CNTN3: variants seen among roughly 807,000 people sequenced by gnomAD.
The protein encoded by CNTN3 is contactin-3.
Under a neutral mutation model 119.1 loss-of-function variants are expected in CNTN3, and 60 were observed. The observed-to-expected ratio is 0.50, with a 90% CI of 0.41 to 0.62. The LOEUF is 0.62. CNTN3 is among the 20% of genes least tolerant of loss of function. CNTN3 has a pLI of 0.00. For synonymous variants in CNTN3, 450 were observed against 438.7 expected (o/e 1.03, Z -0.32); for missense variants, 1,101 against 1,242.4 (o/e 0.89, Z 1.71).
At chr3:74,299,796 A>G in intron 17 of CNTN3, 72 bp downstream of exon 17, 1 of 1,264,048 alleles carries the variant, frequency 7.9e-7, no homozygotes, top group Non-Finnish European at 1.1e-6. Context: ...CATTGGCACC[A>G]CCACCTGGGA....
At chr3:74,581,658 G>A (rs1019754625) in intron 1 of CNTN3, among the ~76,000 whole-genome samples, 1 of 152,168 alleles carries the variant, frequency 6.6e-6, no homozygotes, top group African/African-American at 2.4e-5. Flanking sequence ...GGATCTTGAA[G>A]AGCCAAAAGA....
intron 3 of CNTN3, among the ~76,000 whole-genome samples, chr3:74,498,545 T>A (rs1703105036): frequency 6.6e-6 from 1 of 151,822 alleles, no homozygotes; most frequent in Non-Finnish European, 1.5e-5. Context: ...TTGTTAAATA[T>A]TGTTGAAAGA....
intron 19 of CNTN3, among the ~76,000 whole-genome samples, chr3:74,286,748 C>T (rs1702122164): frequency 6.6e-6 from 1 of 152,150 alleles, no homozygotes; most frequent in African/African-American, 2.4e-5. Context: ...AAGGCAAATC[C>T]ACTCCAGGGG....
At position 74,361,953 on chromosome 3, in the gene CNTN3, C is replaced by G; in HGVS notation, c.1301G>C (p.Arg434Thr). The G allele has an allele frequency of 1.2e-6, 2 of 1,613,882 alleles. No homozygotes were observed. The highest frequency in any genetic ancestry group is 1.7e-6 in the Non-Finnish European group (2 of 1,179,850). The stretch of plus-strand genomic sequence containing the variant: ...GGAAGAGAGTGCCCTTGGGGAGGCT[C>G]TGGGTTTACAATCCAAGCTGACCAG... ...GSLVSLDCKPRASPRALSSWK... is the reference protein window; with the variant it reads ...GSLVSLDCKPTASPRALSSWK... Residue 434 changes from arginine to threonine, a missense_variant, in exon 11 of 23, where the codon AGA (arginine) becomes ACA (threonine). Physicochemically the swap from Arg to Thr is moderately conservative, Grantham distance 71. Coordinates refer to ENST00000263665, the MANE Select transcript of CNTN3 (RefSeq NM_020872.3).
At chr3:74,538,133 G>A (rs1703791628) in intron 1 of CNTN3, among the ~76,000 whole-genome samples, 1 of 152,064 alleles carries the variant, frequency 6.6e-6, no homozygotes, top group Non-Finnish European at 1.5e-5. Flanking sequence ...AGAAATACAG[G>A]AGGCACAATT....
At chr3:74,497,837 T>G (rs1703092587) in intron 3 of CNTN3, among the ~76,000 whole-genome samples, 1 of 151,870 alleles carries the variant, frequency 6.6e-6, no homozygotes, top group Non-Finnish European at 1.5e-5. Context: ...ACAGTGAAAC[T>G]TCTTTATCAA....
chr3:74,342,979 T>G (rs1703584229), intron 11 of CNTN3, among the ~76,000 whole-genome samples: 1 of 152,226 alleles, frequency 6.6e-6, no homozygotes, highest in African/African-American at 2.4e-5. Flanking sequence ...AATAATTCTC[T>G]GATGTCTTAT....
At chr3:74,500,835 A>G (rs6549606) in intron 2 of CNTN3, among the ~76,000 whole-genome samples, 151,736 of 152,184 alleles carry the variant, frequency 1, 75,646 homozygotes, top group Middle Eastern at 1. Context: ...TAAATTCTGC[A>G]TGCCCAAATG....
chr3:74,377,219 T>C (rs1172323787), intron 5 of CNTN3, among the ~76,000 whole-genome samples: 4 of 152,100 alleles, frequency 2.6e-5, no homozygotes, highest in Admixed American at 2.0e-4. Context: ...CTCTTTGAGA[T>C]AAAATGAAAC....
At chr3:74,450,626 A>G (rs199750733) in intron 4 of CNTN3, among the ~76,000 whole-genome samples, 193 of 146,652 alleles carry the variant, frequency 1.3e-3, no homozygotes, top group South Asian at 1.3e-3. Flanking sequence ...CTCGTCATCT[A>G]GCATTAGGTA....
intron 4 of CNTN3, among the ~76,000 whole-genome samples, chr3:74,425,190 A>T (rs1030631306): frequency 6.6e-5 from 10 of 152,198 alleles, no homozygotes; most frequent in Middle Eastern, 3.4e-3. Context: ...CCAGGTAGTG[A>T]GTACAGAACC....
At chr3:74,384,581 TCTCC>T (rs1265119967) in intron 5 of CNTN3, among the ~76,000 whole-genome samples, 1 of 152,214 alleles carries the variant, frequency 6.6e-6, no homozygotes. Context: ...TTCCATTTAT[TCTCC>T]CTATTTTCCA....
intron 11 of CNTN3, among the ~76,000 whole-genome samples, chr3:74,347,002 G>C (rs184596611): frequency 9.8e-5 from 15 of 152,300 alleles, no homozygotes; most frequent in African/African-American, 2.9e-4. Flanking sequence ...CCAAGAAAGA[G>C]TGAAATGCAC....
At chr3:74,454,963 G>A (rs1290104993) in intron 4 of CNTN3, among the ~76,000 whole-genome samples, 2 of 151,986 alleles carry the variant, frequency 1.3e-5, no homozygotes, top group African/African-American at 2.4e-5. Flanking sequence ...TTCAACTTTG[G>A]TGACTCTGAC....
At chr3:74,356,713 T>C (rs187964325) in intron 11 of CNTN3, among the ~76,000 whole-genome samples, 1 of 152,194 alleles carries the variant, frequency 6.6e-6, no homozygotes, top group East Asian at 1.9e-4. Context: ...CATAGCAGCT[T>C]TTTGAAGACC....
At chr3:74,336,023 T>C (rs1396297661) in intron 12 of CNTN3, among the ~76,000 whole-genome samples, 1 of 152,110 alleles carries the variant, frequency 6.6e-6, no homozygotes, top group Non-Finnish European at 1.5e-5. Flanking sequence ...AAGGTAAGAT[T>C]CATGAGGACA....
At chr3:74,402,701 C>T (rs370904415) in intron 5 of CNTN3, among the ~76,000 whole-genome samples, 8 of 151,960 alleles carry the variant, frequency 5.3e-5, no homozygotes, top group East Asian at 1.9e-4. Flanking sequence ...TTAAAATACA[C>T]GAAATAAATA....
intron 4 of CNTN3, among the ~76,000 whole-genome samples, chr3:74,482,410 T>A (rs1702778455): frequency 1.3e-5 from 2 of 152,052 alleles, no homozygotes; most frequent in Non-Finnish European, 1.5e-5. Context: ...TCATTCATTA[T>A]AAAAACTAAA....
chr3:74,267,050 G>T (rs1701675121), intron 21 of CNTN3, among the ~76,000 whole-genome samples: 1 of 152,076 alleles, frequency 6.6e-6, no homozygotes, highest in African/African-American at 2.4e-5. Context: ...GAGACATTGT[G>T]TCCAAAATTC....
Sources: gnomAD v4.1 joint callset for allele counts (sites outside exome capture counted in the v4.1 genomes callset) on GRCh38, gnomAD v4.1.1 for gene constraint, MANE v1.5 for transcripts, NCBI Gene and HGNC (gene_info 2026-07-23, HGNC 2026-07-21) for gene names.